DSCAM: variants seen among roughly 807,000 people sequenced by gnomAD.
The protein encoded by DSCAM is DS cell adhesion molecule, also known as cell adhesion molecule DSCAM.
Under a neutral mutation model 217.7 loss-of-function variants are expected in DSCAM, and 47 were observed. The observed-to-expected ratio is 0.22, with a 90% CI of 0.17 to 0.28. The LOEUF (loss-of-function observed/expected upper bound fraction) is 0.28, where lower values mean the gene tolerates loss of function less well. Among genes scored for constraint, DSCAM ranks in the 10% least tolerant of loss-of-function variants. The pLI, the probability that DSCAM is intolerant of heterozygous loss-of-function variation, is 1.00. For synonymous variants in DSCAM, 1,056 were observed against 1,015.3 expected, an observed-to-expected ratio of 1.04 and a Z score of -0.76; for missense variants, 2,080 against 2,618.3, an observed-to-expected ratio of 0.79 and a Z score of 4.49.
chr21:40,800,183 C>T (rs1198480300), intron 1 of DSCAM, among the ~76,000 whole-genome samples: 3 of 152,148 alleles, frequency 2.0e-5, no homozygotes, highest in Non-Finnish European at 1.5e-5. Context: ...AAATGCAGCC[C>T]CTTGACCTTG....
chr21:40,619,354 A>G (rs2089448938), intron 3 of DSCAM, among the ~76,000 whole-genome samples: 1 of 152,182 alleles, frequency 6.6e-6, no homozygotes, highest in South Asian at 2.1e-4. Context: ...TGATGATTAC[A>G]TTATTTTGAA....
intron 15 of DSCAM, among the ~76,000 whole-genome samples, chr21:40,175,803 A>ACG (rs1424448533): frequency 1.4e-3 from 151 of 110,840 alleles, no homozygotes; most frequent in African/African-American, 4.6e-3. Context: ...ACACACACAC[A>ACG]CACACGCACA....
chr21:40,339,374 C>A lies in DSCAM; in HGVS notation c.1252G>T (p.Val418Leu). 3 of 1,612,128 alleles carry A rather than the reference C, an allele frequency of 1.9e-6. No homozygotes were observed. The highest frequency in any genetic ancestry group is 2.5e-6 in the Non-Finnish European group (3 of 1,178,988). The change falls in exon 7 of 33, where the codon GTG (valine) becomes TTG (leucine). Residue 418 changes from valine to leucine, a missense_variant. Transcript: ENST00000400454. Reference protein sequence around the residue: ...KIISAFSEKVVSPAEPVSLMC... With the variant: ...KIISAFSEKVLSPAEPVSLMC... ...AGGGAAACCGGCTCTGCTGGACTCA[C>A]CACCTTTTCACTAAAGGCAGAAATA...
At chr21:40,171,021 A>G (rs1028032752) in intron 15 of DSCAM, among the ~76,000 whole-genome samples, 4 of 152,228 alleles carry the variant, frequency 2.6e-5, no homozygotes, top group African/African-American at 9.6e-5. Context: ...CAGATAGCAT[A>G]CATATCATAA....
At chr21:40,093,251 G>A (rs1423577091) in intron 21 of DSCAM, among the ~76,000 whole-genome samples, 1 of 152,204 alleles carries the variant, frequency 6.6e-6, no homozygotes, top group Non-Finnish European at 1.5e-5. Flanking sequence ...ATTCTTTGGT[G>A]ACTCCTACTT....
chr21:40,346,168 G>A (rs959031925), intron 6 of DSCAM, among the ~76,000 whole-genome samples: 1 of 152,192 alleles, frequency 6.6e-6, no homozygotes, highest in African/African-American at 2.4e-5. Context: ...AAGGACTAGA[G>A]TGCATCATCA....
At chr21:40,408,957 C>A (rs558192353) in intron 3 of DSCAM, among the ~76,000 whole-genome samples, 2 of 152,144 alleles carry the variant, frequency 1.3e-5, no homozygotes, top group Admixed American at 1.3e-4. Flanking sequence ...TCTGACCTAT[C>A]CAGGTGTTTA....
At chr21:40,734,586 A>G (rs1355145696) in intron 1 of DSCAM, among the ~76,000 whole-genome samples, 1 of 152,208 alleles carries the variant, frequency 6.6e-6, no homozygotes. Context: ...GTGAGCCTCA[A>G]TCTGCTTCTT....
chr21:40,778,542 T>G (rs1248566046), intron 1 of DSCAM, among the ~76,000 whole-genome samples: 2 of 152,154 alleles, frequency 1.3e-5, no homozygotes, highest in African/African-American at 2.4e-5. Context: ...CTAATTTAAA[T>G]GTACATGGTA....
chr21:40,833,001 A>G (rs745728352), intron 1 of DSCAM, among the ~76,000 whole-genome samples: 1 of 152,244 alleles, frequency 6.6e-6, no homozygotes, highest in Non-Finnish European at 1.5e-5. Context: ...CAGAAAACAA[A>G]ACCAGATGAT....
At chr21:40,318,140 A>G (rs1284405196) in intron 8 of DSCAM, among the ~76,000 whole-genome samples, 2 of 138,038 alleles carry the variant, frequency 1.4e-5, no homozygotes, top group East Asian at 4.6e-4. Flanking sequence ...AACAATGAGA[A>G]CACATGGACA....
At chr21:40,575,602 T>G (rs945324889) in intron 3 of DSCAM, among the ~76,000 whole-genome samples, 7 of 152,206 alleles carry the variant, frequency 4.6e-5, no homozygotes, top group African/African-American at 1.7e-4. Context: ...AAATAAACCT[T>G]GAGTCCGACT....
intron 16 of DSCAM, among the ~76,000 whole-genome samples, chr21:40,160,220 A>G (rs2090525911): frequency 6.6e-6 from 1 of 152,232 alleles, no homozygotes; most frequent in Non-Finnish European, 1.5e-5. Context: ...ACTCAGAACT[A>G]GAGAAAAGGG....
chr21:40,168,850 A>T (rs1445745247), intron 15 of DSCAM, among the ~76,000 whole-genome samples: 1 of 152,096 alleles, frequency 6.6e-6, no homozygotes, highest in Non-Finnish European at 1.5e-5. Context: ...TGGTTCTATC[A>T]CTTGTTGGCT....
At chr21:40,511,225 TATG>T (rs1183187525) in intron 3 of DSCAM, among the ~76,000 whole-genome samples, 3 of 152,210 alleles carry the variant, frequency 2.0e-5, no homozygotes, top group African/African-American at 2.4e-5. Flanking sequence ...GCAGAACAGA[TATG>T]ATACTATCCT....
At chr21:40,608,874 A>G (rs923800478) in intron 3 of DSCAM, among the ~76,000 whole-genome samples, 6 of 152,054 alleles carry the variant, frequency 3.9e-5, no homozygotes, top group South Asian at 2.1e-4. Flanking sequence ...AGGAGCTACC[A>G]CTCGTTTTCA....
intron 3 of DSCAM, chr21:40,384,095 C>A (rs2075056137): frequency 6.6e-6 from 1 of 152,300 alleles, no homozygotes; most frequent in Admixed American, 6.5e-5. Context: ...AGGAGAGGCA[C>A]CCCCTGGAGG....
intron 11 of DSCAM, among the ~76,000 whole-genome samples, chr21:40,210,358 T>C (rs752470217): frequency 6.6e-6 from 1 of 152,198 alleles, no homozygotes; most frequent in Non-Finnish European, 1.5e-5. Flanking sequence ...GCATTTACTT[T>C]TACAAAGCTA....
chr21:40,708,596 G>T lies in DSCAM; in HGVS notation c.219C>A (p.Arg73=), dbSNP rs754267019. 6.2e-7 allele frequency: 1 copy of T among 1,610,944 alleles called. No homozygotes were observed. ...GEEIYDVPGI[R]HVHPNGTLQI... ...GGAGAGTGCCGTTGGGGTGGACGTG[G>T]CGGATCCCGGGGACATCGTAGATCT... Residue 73 remains arginine, a synonymous_variant, in exon 2 of 33, where the codon CGC becomes CGA. Transcript: ENST00000400454.
Sources: allele counts gnomAD v4.1 joint callset (sites outside exome capture counted in the v4.1 genomes callset), GRCh38; gene constraint gnomAD v4.1.1; transcripts MANE v1.5; gene names NCBI Gene and HGNC (gene_info 2026-07-23, HGNC 2026-07-21).